Variants in NBPF9 observed in about 807,000 individuals in gnomAD.
NBPF9 encodes the protein NBPF member 9.
NBPF9 carries 91 observed loss-of-function variants against 97.8 expected under a neutral mutation model. That is an observed-to-expected ratio of 0.93 (90% CI 0.79 to 1.11). The LOEUF is 1.11. Ranked by LOEUF, NBPF9 falls within the 50% of genes least tolerant of loss-of-function variation. NBPF9 has a pLI of 0.00. For missense variants in NBPF9, 992 were observed against 939.5 expected, an observed-to-expected ratio of 1.06 and a Z score of -0.73; for synonymous variants, 334 against 359.5, an observed-to-expected ratio of 0.93 and a Z score of 0.80.
intron 4 of NBPF9, among the ~76,000 whole-genome samples, chr1:149,093,256 C>T (rs1219295575): frequency 3.8e-4 from 57 of 151,868 alleles, no homozygotes; most frequent in African/African-American, 1.3e-3. Flanking sequence ...GCATGTCCCA[C>T]CTCCAGTCCT....
chr1:149,064,966 A>G, intron 18 of NBPF9: 1 of 534,462 alleles, frequency 1.9e-6, no homozygotes, highest in South Asian at 2.1e-5. Context: ...GTGGGTGAAA[A>G]GTCAGCCATT....
At chr1:149,092,972 G>A (rs2081502337) in intron 4 of NBPF9, among the ~76,000 whole-genome samples, 2 of 151,982 alleles carry the variant, frequency 1.3e-5, no homozygotes, top group East Asian at 3.9e-4. Flanking sequence ...AAAGTACAGA[G>A]AAAGAAAAAT....
chr1:149,065,619 T>C, exon 18 of NBPF9: 6 of 1,603,410 alleles, frequency 3.7e-6, no homozygotes, highest in Non-Finnish European at 5.1e-6. Flanking sequence ...TCAGGAGGAA[T>C]TGAGGGAGTC....
Position 149,059,778 on chromosome 1 carries a change from C to T in NBPF9, c.2507G>A (p.Arg836Lys). 3.6e-6 allele frequency: 2 copies of T among 550,206 alleles called. 1 individual carries two copies. The highest frequency in any genetic ancestry group is 6.4e-6 in the Non-Finnish European group (2 of 310,736). 34.1% of individuals were successfully genotyped at this position (550,206 alleles called of 1,614,324 possible). A position where few individuals can be genotyped will look rare whatever the true frequency, so the allele number is the denominator to read the frequency against. ...TTTCTTCTTTGATCTTCTTCCCCTTCTTTTCTTCCCCTTCCCCTTCTTTTC... is the reference window on the plus strand; with the variant it reads ...TTTCTTCTTTGATCTTCTTCCCCTTTTTTTCTTCCCCTTCCCCTTCTTTTC... Residue 836 changes from arginine to lysine, a missense_variant, in exon 25 of 30, where the codon AGA becomes AAA. Physicochemically the swap from Arg to Lys is conservative, Grantham distance 26 (BLOSUM62 2). Transcript: ENST00000584027.
intron 8 of NBPF9, among the ~76,000 whole-genome samples, chr1:149,079,628 A>G (rs1331557327): frequency 6.6e-4 from 99 of 150,142 alleles, no homozygotes; most frequent in Middle Eastern, 3.4e-3. Flanking sequence ...GCGAATTGAA[A>G]AGACGAAAGA....
chr1:149,080,042 G>C lies in NBPF9; in HGVS notation c.278+11C>G, dbSNP rs115521649. ...CCTACCCGCCTGCCTCCCCCCACGG[G>C]GTCCCCTCACCTGAGCTCCTCAGCT... On this transcript the variant is annotated intron_variant, in intron 8 of 29. Transcript: ENST00000584027. The C allele has an allele frequency of 7.6e-6, 12 of 1,576,862 alleles. No individual in the cohort carries two copies. The highest frequency in any genetic ancestry group is 1.0e-5 in the Non-Finnish European group (12 of 1,153,288).
chr1:149,070,957 T>C lies in NBPF9; in HGVS notation c.1562A>G (p.Glu521Gly), dbSNP rs1553652791. ...ACCTGGAATAATGTGTACAGCATCT[T>C]CCCGTTCAACATGAGAGGATGAGCC... is the stretch of plus-strand genomic sequence containing the variant. Residue 521 changes from glutamate to glycine, a missense_variant, in exon 16 of 30, where the codon GAA (glutamate) becomes GGA (glycine). This residue lies in a region of NBPF9 where 151 missense variants were observed against 132.8 expected (regional missense o/e 1.14). Transcript: ENST00000584027. The C allele has an allele frequency of 3.1e-6, 5 of 1,612,636 alleles. No individual in the cohort carries two copies. In the South Asian group the frequency reaches 4.4e-5, roughly 14 times the overall value.
At chr1:149,072,487 G>C (rs1175133633) in intron 14 of NBPF9, among the ~76,000 whole-genome samples, 2 of 152,028 alleles carry the variant, frequency 1.3e-5, no homozygotes, top group South Asian at 4.1e-4. Context: ...GCTGCCTCTT[G>C]CTCCAAAGAC....
rs1320906938 is a variant in NBPF9, at chr1:149,067,275, T to A, written c.1638-1586A>T. Among the ~76,000 whole-genome samples, 5 of 119,908 alleles carry A rather than the reference T, an allele frequency of 4.2e-5. 1 individual carries two copies. Among genetic ancestry groups the A allele is most frequent in the African/African-American group, 1.6e-4 (5 of 30,516 alleles). The allele number at this position is 119,908 out of a possible 152,430, so 78.7% of individuals were successfully genotyped here. A position where few individuals can be genotyped will look rare whatever the true frequency, so the allele number is the denominator to read the frequency against. On this transcript the variant is annotated intron_variant, in intron 17 of 29. Coordinates refer to ENST00000584027, the Ensembl canonical transcript of NBPF9. ...TTCTTTTTTTTTTCCATATGTATAGTTTTCCTTTATTATTTTTTGTGTGTA... is the reference window on the plus strand; with the variant it reads ...TTCTTTTTTTTTTCCATATGTATAGATTTCCTTTATTATTTTTTGTGTGTA...
At chr1:149,064,930 C>G (rs1466404630) in intron 18 of NBPF9, 6 of 534,762 alleles carry the variant, frequency 1.1e-5, no homozygotes, top group South Asian at 8.4e-5. Context: ...TGGTTCTACA[C>G]AGTAGCATCA....
chr1:149,053,928 T>TCACACACA (rs1468860085), downstream of NBPF9: 1 of 136,296 alleles, frequency 7.3e-6, no homozygotes, highest in Non-Finnish European at 1.5e-5. Flanking sequence ...ACACACACAC[T>TCACACACA]CACACTCACG....
chr1:149,072,813 G>A (rs782454577), exon 14 of NBPF9: 42 of 1,592,988 alleles, frequency 2.6e-5, no homozygotes, highest in South Asian at 1.3e-4. Flanking sequence ...CGGCTCATCC[G>A]GAGTGAGGAG....
chr1:149,085,225 G>T (rs1553658107), intron 5 of NBPF9, among the ~76,000 whole-genome samples: 1 of 151,180 alleles, frequency 6.6e-6, no homozygotes, highest in Non-Finnish European at 1.5e-5. Flanking sequence ...TTTTTTGATA[G>T]ATTTTTTATG....
At chr1:149,089,546 T>C (rs1457267704) in intron 5 of NBPF9, among the ~76,000 whole-genome samples, 4 of 152,258 alleles carry the variant, frequency 2.6e-5, no homozygotes, top group Non-Finnish European at 4.4e-5. Flanking sequence ...CCAAGTGGCA[T>C]AAGACAGGAT....
chr1:149,080,308 TC>T (rs1450120847), intron 7 of NBPF9, among the ~76,000 whole-genome samples, 153 bp from the exon 8 acceptor site: 2 of 151,310 alleles, frequency 1.3e-5, no homozygotes, highest in African/African-American at 2.4e-5. Context: ...CTCTTCAGTC[TC>T]CTGACTTTCT....
intron 8 of NBPF9, among the ~76,000 whole-genome samples, 158 bp from the exon 9 acceptor site, chr1:149,079,379 G>GA (rs1377336194): frequency 6.6e-6 from 1 of 151,828 alleles, no homozygotes; most frequent in Non-Finnish European, 1.5e-5. Flanking sequence ...AGAAAGAATA[G>GA]AAAATGGTTT....
At chr1:149,055,680 C>T (rs782732934) in exon 30 of NBPF9, 7 of 1,611,960 alleles carry the variant, frequency 4.3e-6, no homozygotes, top group Non-Finnish European at 5.1e-6. Flanking sequence ...TGACTTCCAT[C>T]TGGAACACCA....
intron 5 of NBPF9, among the ~76,000 whole-genome samples, chr1:149,084,895 C>T (rs1396668128): frequency 4.6e-5 from 7 of 151,024 alleles, no homozygotes; most frequent in Non-Finnish European, 1.0e-4. Flanking sequence ...CCACCTTCAA[C>T]GTCATTGTCA....
chr1:149,097,453 C>G (rs1242237371), intron 4 of NBPF9, among the ~76,000 whole-genome samples: 1 of 152,192 alleles, frequency 6.6e-6, no homozygotes, highest in Non-Finnish European at 1.5e-5. Flanking sequence ...AGAGATGAGA[C>G]AGTGGATCCC....
Sources: allele counts gnomAD v4.1 joint callset (sites outside exome capture counted in the v4.1 genomes callset), GRCh38; gene constraint gnomAD v4.1.1; regional missense constraint gnomAD v4.1.1; transcripts MANE v1.5; gene names NCBI Gene and HGNC (gene_info 2026-07-23, HGNC 2026-07-21).